CLPX: variants seen among roughly 807,000 people sequenced by gnomAD.
CLPX encodes ATP-dependent clpX-like chaperone, mitochondrial.
A neutral mutation model predicts 76.4 loss-of-function variants in CLPX; 34 were observed. The observed-to-expected ratio is 0.45, with a 90% CI of 0.34 to 0.59. CLPX has a LOEUF of 0.59. Ranked by LOEUF, CLPX falls within the 20% of genes least tolerant of loss-of-function variation. CLPX has a pLI of 0.01. For missense variants in CLPX, 613 were observed against 757.0 expected (o/e 0.81, Z 2.23); for synonymous variants, 248 against 270.9 (o/e 0.92, Z 0.83).
chr15:65,166,849 A>T, intron 3 of CLPX, 64 bp from the exon 4 acceptor site: 1 of 1,493,808 alleles, frequency 6.7e-7, no homozygotes, highest in Non-Finnish European at 9.1e-7. Flanking sequence ...GTTTAACCTT[A>T]AAGACTCCAC....
At position 65,182,219 on chromosome 15, in the gene CLPX, C is replaced by T. The variant is rs118116495; in HGVS notation, c.80-2015G>A. ...ATGACCATTCACCAATCATAAAATCCTCATAAAAATGATAAAGCTCTGTAG... is the reference window on the plus strand; with the variant it reads ...ATGACCATTCACCAATCATAAAATCTTCATAAAAATGATAAAGCTCTGTAG... On this transcript the variant is annotated intron_variant, in intron 1 of 13. Coordinates refer to ENST00000300107, the MANE Select transcript of CLPX (RefSeq NM_006660.5). Among the ~76,000 whole-genome samples the T allele has an allele frequency of 2.0e-5, 3 of 152,052 alleles. No homozygotes were observed. The East Asian group carries it at 5.8e-4, about 29-fold the overall frequency.
chr15:65,166,855 T>A, intron 3 of CLPX, 70 bp from the exon 4 acceptor site: 2 of 1,464,290 alleles, frequency 1.4e-6, no homozygotes, highest in Admixed American at 4.6e-5. Context: ...CCTTAAAGAC[T>A]CCACTGTAAA....
At chr15:65,184,661 A>G (rs1483862447) in intron 1 of CLPX, among the ~76,000 whole-genome samples, 7 of 152,200 alleles carry the variant, frequency 4.6e-5, no homozygotes, top group African/African-American at 1.2e-4. Context: ...GGAGCCCCCA[A>G]CGGGCCCGAG....
At chr15:65,180,561 A>T (rs2088153125) in intron 1 of CLPX, among the ~76,000 whole-genome samples, 1 of 152,130 alleles carries the variant, frequency 6.6e-6, no homozygotes, top group Non-Finnish European at 1.5e-5. Context: ...TATTATTTCT[A>T]CCAATGAGAA....
intron 3 of CLPX, among the ~76,000 whole-genome samples, chr15:65,171,225 T>A (rs1365585931): frequency 2.0e-5 from 3 of 152,056 alleles, no homozygotes; most frequent in African/African-American, 7.2e-5. Context: ...GGCAGGTGGA[T>A]CACTTAAGGT....
intron 8 of CLPX, 139 bp downstream of exon 8, chr15:65,157,607 A>G: frequency 1.2e-6 from 1 of 842,992 alleles, no homozygotes; most frequent in Non-Finnish European, 1.8e-6. Context: ...TCAGTATGCT[A>G]GAAATTATGT....
chr15:65,156,724 T>G, intron 9 of CLPX, 120 bp downstream of exon 9: 1 of 582,278 alleles, frequency 1.7e-6, no homozygotes. Flanking sequence ...ATATGTGGAG[T>G]TTGGGGGCGG....
In CLPX at chr15:65,150,927, C is replaced by A; in HGVS notation, c.1812-14G>T. On this transcript the variant is annotated splice_polypyrimidine_tract_variant and intron_variant, in intron 13 of 13. Transcript: ENST00000300107. ...TTTGTTGGAGCCCTACAATGAAAAG[C>A]CATGTTTGTTTTTTTAAAATAAAAA... 1 of 1,566,156 alleles carries A rather than the reference C, an allele frequency of 6.4e-7. No homozygotes were observed. The highest frequency in any genetic ancestry group is 1.9e-5 in the Admixed American group (1 of 53,748).
chr15:65,163,907 C>A, intron 5 of CLPX, 122 bp downstream of exon 5: 4 of 912,810 alleles, frequency 4.4e-6, no homozygotes, highest in Non-Finnish European at 6.9e-6. Context: ...TGGGGAATAA[C>A]CTGCACTTTG....
intron 6 of CLPX, among the ~76,000 whole-genome samples, chr15:65,162,277 A>G (rs1423772874): frequency 1.3e-5 from 2 of 152,152 alleles, no homozygotes; most frequent in Non-Finnish European, 2.9e-5. Context: ...AAACCAAAAA[A>G]CAGTGTGCTT....
At chr15:65,157,692 TA>T (rs1272322067) in intron 8 of CLPX, 53 bp downstream of exon 8, 7 of 1,498,050 alleles carry the variant, frequency 4.7e-6, no homozygotes, top group Middle Eastern at 1.8e-4. Context: ...CTCTTAATAT[TA>T]GACTGATTCC....
chr15:65,160,134 T>C (rs956559843), intron 6 of CLPX, among the ~76,000 whole-genome samples: 6 of 152,204 alleles, frequency 3.9e-5, no homozygotes, highest in Admixed American at 1.3e-4. Flanking sequence ...TTCTAAGAAA[T>C]TGATTCAGAA....
chr15:65,180,277 A>G (rs1238505563), intron 1 of CLPX, 73 bp from the exon 2 acceptor site: 1 of 1,159,110 alleles, frequency 8.6e-7, no homozygotes, highest in Non-Finnish European at 1.2e-6. Flanking sequence ...AAATTCCTTG[A>G]GCATAAAGGA....
intron 3 of CLPX, among the ~76,000 whole-genome samples, chr15:65,167,131 T>G (rs1224100225): frequency 1.3e-5 from 2 of 152,030 alleles, no homozygotes; most frequent in Non-Finnish European, 2.9e-5. Context: ...AGTGCAGTGG[T>G]GTGATCTCGG....
rs2140602368 is a variant in CLPX, at chr15:65,149,086, C to T, written c.*1737G>A. On this transcript the variant is annotated 3_prime_UTR_variant, in exon 14 of 14. Transcript: ENST00000300107. ...AAAAAACAAAACAAAAAAACTAGCT[C>T]AATACTTCAGGTTAAATACACAATA... 1 of 152,246 alleles carries T rather than the reference C, an allele frequency of 6.6e-6. No homozygotes were observed. The highest frequency in any genetic ancestry group is 3.4e-3 in the Middle Eastern group (1 of 294). 9.4% of individuals were successfully genotyped at this position (152,246 alleles called of 1,614,324 possible). A position where few individuals can be genotyped will look rare whatever the true frequency, so the allele number is the denominator to read the frequency against.
intron 3 of CLPX, among the ~76,000 whole-genome samples, chr15:65,172,870 G>A (rs1349360293): frequency 7.9e-5 from 12 of 151,644 alleles, no homozygotes; most frequent in Non-Finnish European, 1.8e-4. Flanking sequence ...ATGAGACCCT[G>A]TCTCTAGGGT....
chr15:65,183,520 T>TGGAAAGAAAGACAGAAA (rs917386896), intron 1 of CLPX, among the ~76,000 whole-genome samples: 17 of 85,152 alleles, frequency 2.0e-4, no homozygotes, highest in Non-Finnish European at 4.1e-4. Flanking sequence ...AGATAGTAGA[T>TGGAAAGAAAGACAGAAA]GGAAAGAAAG....
rs1291862284 is a variant in CLPX at position 65,148,984 on chromosome 15, A to G, written c.*1839T>C. ...CTTATATGTTAGTGTGAACACATTTACTTTGGCTGATAGCAAAACATAGAT... is the reference window on the plus strand; with the variant it reads ...CTTATATGTTAGTGTGAACACATTTGCTTTGGCTGATAGCAAAACATAGAT... On this transcript the variant is annotated 3_prime_UTR_variant, in exon 14 of 14. Transcript: ENST00000300107. 6.6e-6 allele frequency: 1 copy of G among 152,258 alleles called. No individual in the cohort carries two copies. Among genetic ancestry groups the G allele is most frequent in the Non-Finnish European group, 1.5e-5 (1 of 68,050 alleles). 9.4% of individuals were successfully genotyped at this position (152,258 alleles called of 1,614,324 possible).
intron 3 of CLPX, among the ~76,000 whole-genome samples, chr15:65,176,866 A>T (rs2088097413): frequency 6.6e-6 from 1 of 151,952 alleles, no homozygotes; most frequent in Non-Finnish European, 1.5e-5. Context: ...TAGTGCTGGG[A>T]TTACAGGTGT....
Sources: allele counts gnomAD v4.1 joint callset (sites outside exome capture counted in the v4.1 genomes callset), GRCh38; gene constraint gnomAD v4.1.1; transcripts MANE v1.5; gene names NCBI Gene and HGNC (gene_info 2026-07-23, HGNC 2026-07-21).